The following INPP5A variants were observed in gnomAD, a reference collection of about 807,000 sequenced individuals.
INPP5A encodes 43 kDa inositol polyphosphate 5-phophatase.
In INPP5A, 14 loss-of-function variants were observed where a neutral mutation model predicts 65.2. The observed-to-expected ratio is 0.21, with a 90% CI of 0.14 to 0.34. INPP5A has a LOEUF of 0.34. Ranked by LOEUF, INPP5A falls within the 10% of genes least tolerant of loss-of-function variation. INPP5A has a pLI of 1.00. For missense variants in INPP5A, 431 were observed against 545.6 expected (o/e 0.79, Z 2.09); for synonymous variants, 207 against 208.3 (o/e 0.99, Z 0.05).
intron 1 of INPP5A, among the ~76,000 whole-genome samples, chr10:132,561,630 G>A (rs2071206787): frequency 6.6e-6 from 1 of 152,048 alleles, no homozygotes; most frequent in African/African-American, 2.4e-5. Flanking sequence ...GAAAGTGAGA[G>A]TTCCAACTTT....
At chr10:132,686,123 C>A (rs1373719143) in intron 4 of INPP5A, among the ~76,000 whole-genome samples, 1 of 152,198 alleles carries the variant, frequency 6.6e-6, no homozygotes, top group Non-Finnish European at 1.5e-5. Context: ...CAGTGCAGCC[C>A]CAGCCAGGGC....
chr10:132,764,888 GAC>G (rs1846811596), intron 11 of INPP5A, among the ~76,000 whole-genome samples: 1 of 137,358 alleles, frequency 7.3e-6, no homozygotes, highest in South Asian at 2.4e-4. Context: ...TGTGCGTGGT[GAC>G]ACTCAGGAAC....
At chr10:132,752,040 T>C (rs1010408301) in intron 11 of INPP5A, among the ~76,000 whole-genome samples, 2 of 144,256 alleles carry the variant, frequency 1.4e-5, no homozygotes, top group Non-Finnish European at 3.0e-5. Flanking sequence ...AGGAAGCGTC[T>C]GCGTGAAGGG....
intron 9 of INPP5A, among the ~76,000 whole-genome samples, chr10:132,730,315 G>A (rs1018422962): frequency 3.9e-5 from 6 of 152,264 alleles, no homozygotes; most frequent in African/African-American, 1.4e-4. Flanking sequence ...TCACGCTGGT[G>A]TCCTGCTTGC....
At position 132,549,729 on chromosome 10, in the gene INPP5A, C is replaced by T. The variant is rs74163967; in HGVS notation, c.75+11558C>T. 2.9e-3 allele frequency among the ~76,000 whole-genome samples: 444 copies of T among 152,314 alleles called. 2 individuals carry two copies. Among genetic ancestry groups the T allele is most frequent in the African/African-American group, 0.01 (424 of 41,562 alleles). On this transcript the variant is annotated intron_variant, in intron 1 of 15. Transcript: ENST00000368594. This position sits in a 1 kb window ranked among gnomAD's most constrained non-coding sequence, Gnocchi z 4.9. ...TTCCGTGAGGCTCTGTGACACAGGT[C>T]GGGGCCACCCAGCCCAGCCTGGGTT...
At chr10:132,552,528 C>A in intron 1 of INPP5A, among the ~76,000 whole-genome samples, 1 of 134,262 alleles carries the variant, frequency 7.4e-6, no homozygotes, top group African/African-American at 2.8e-5. Flanking sequence ...TTGGTGAACG[C>A]CTTCTCAGAG....
chr10:132,692,373 A>G (rs1019972839), intron 5 of INPP5A, among the ~76,000 whole-genome samples: 1 of 152,196 alleles, frequency 6.6e-6, no homozygotes, highest in Non-Finnish European at 1.5e-5. Flanking sequence ...GGAAGATTTA[A>G]TGTAGTAATG....
At chr10:132,656,990 T>G (rs2072665038) in intron 4 of INPP5A, among the ~76,000 whole-genome samples, 1 of 152,150 alleles carries the variant, frequency 6.6e-6, no homozygotes, top group Admixed American at 6.5e-5. Context: ...GATGACCTAG[T>G]TGGGTCTGGG....
intron 1 of INPP5A, among the ~76,000 whole-genome samples, chr10:132,542,528 G>A (rs1230587162): frequency 2.0e-5 from 3 of 151,974 alleles, no homozygotes; most frequent in Non-Finnish European, 4.4e-5. Flanking sequence ...TGAACTCCAT[G>A]TTTCCTCCAG....
intron 1 of INPP5A, among the ~76,000 whole-genome samples, chr10:132,559,538 C>T (rs1455981879): frequency 6.6e-6 from 1 of 152,248 alleles, no homozygotes; most frequent in African/African-American, 2.4e-5. Context: ...CCACTTCTGT[C>T]TCTGTGGATT....
chr10:132,714,123 A>C (rs548169363), intron 8 of INPP5A, among the ~76,000 whole-genome samples: 52 of 152,270 alleles, frequency 3.4e-4, no homozygotes, highest in African/African-American at 1.2e-3. Context: ...TCAGCATGGC[A>C]TGGCATTAAA....
At chr10:132,591,041 G>T (rs530219966) in intron 1 of INPP5A, among the ~76,000 whole-genome samples, 1 of 152,360 alleles carries the variant, frequency 6.6e-6, no homozygotes, top group South Asian at 2.1e-4. Flanking sequence ...GCGGGAGGAG[G>T]CTCCTCATGT....
At position 132,690,385 on chromosome 10, in the gene INPP5A, T is replaced by C; in HGVS notation, c.307-7T>C. ...TCTCTCATTTGATTTCTCTTTTTGC[T>C]CTACAGGCACTAGGAAGCTTTTATT... On this transcript the variant is annotated splice_polypyrimidine_tract_variant and splice_region_variant and intron_variant, in intron 4 of 15. Coordinates refer to ENST00000368594, the MANE Select transcript of INPP5A (RefSeq NM_005539.5). 6.3e-7 allele frequency: 1 copy of C among 1,585,382 alleles called. No individual in the cohort carries two copies. The highest frequency in any genetic ancestry group is 8.7e-7 in the Non-Finnish European group (1 of 1,154,782).
intron 8 of INPP5A, among the ~76,000 whole-genome samples, chr10:132,725,440 G>A (rs537030121): frequency 3.0e-4 from 46 of 152,338 alleles, no homozygotes; most frequent in African/African-American, 6.0e-4. Context: ...CAGCGGTGGC[G>A]GCGGGGCAAC....
At chr10:132,595,636 C>T (rs1382321295) in intron 1 of INPP5A, among the ~76,000 whole-genome samples, 1 of 152,194 alleles carries the variant, frequency 6.6e-6, no homozygotes, top group African/African-American at 2.4e-5. Context: ...GTCACTGGCA[C>T]CCTGTCTATC....
chr10:132,701,776 C>T (rs1158841123), intron 6 of INPP5A, among the ~76,000 whole-genome samples: 1 of 152,258 alleles, frequency 6.6e-6, no homozygotes. Context: ...GCCCTGGCTG[C>T]CTGCTTGGGG....
rs974985091 is a variant in INPP5A, at chr10:132,549,587, C to T, written c.75+11416C>T. 1.3e-5 allele frequency among the ~76,000 whole-genome samples: 2 copies of T among 152,222 alleles called. No individual in the cohort carries two copies. Among genetic ancestry groups the T allele is most frequent in the African/African-American group, 2.4e-5 (1 of 41,454 alleles). ...CCTGTGGGATGCGAGGCCTCTGCTA[C>T]GAGGCTCCCGCTTGCCTGGCAGGTG... On this transcript the variant is annotated intron_variant, in intron 1 of 15. Coordinates refer to ENST00000368594, the MANE Select transcript of INPP5A (RefSeq NM_005539.5). The surrounding 1 kb of genome is among the most constrained non-coding windows in gnomAD (Gnocchi z 4.9).
At chr10:132,568,061 C>G (rs1049601594) in intron 1 of INPP5A, among the ~76,000 whole-genome samples, 3 of 151,744 alleles carry the variant, frequency 2.0e-5, no homozygotes, top group African/African-American at 7.3e-5. Context: ...TGTGGTGGTG[C>G]GTGCCTGTAG....
intron 1 of INPP5A, among the ~76,000 whole-genome samples, chr10:132,584,058 G>A (rs1282837019): frequency 6.6e-6 from 1 of 152,238 alleles, no homozygotes; most frequent in Non-Finnish European, 1.5e-5. Flanking sequence ...ACTCCAGCCT[G>A]GGCTATAGAG....
Sources: allele counts gnomAD v4.1 joint callset (sites outside exome capture counted in the v4.1 genomes callset), GRCh38; gene constraint gnomAD v4.1.1; non-coding constraint Gnocchi (gnomAD v3.1); transcripts MANE v1.5; gene names NCBI Gene and HGNC (gene_info 2026-07-23, HGNC 2026-07-21).